The following PAM variants were observed in gnomAD, a reference collection of about 807,000 sequenced individuals.
The protein encoded by PAM is peptidylglycine alpha-amidating monooxygenase, also known as peptidyl-glycine alpha-amidating monooxygenase.
Under a neutral mutation model 122.1 loss-of-function variants are expected in PAM, and 72 were observed. The observed-to-expected ratio is 0.59, with a 90% CI of 0.49 to 0.72. The LOEUF (loss-of-function observed/expected upper bound fraction) is 0.72. Ranked by LOEUF, PAM falls within the 30% of genes least tolerant of loss-of-function variation. PAM has a pLI of 0.00. For synonymous variants in PAM, 389 were observed against 404.4 expected (o/e 0.96, Z 0.46); for missense variants, 1,106 against 1,183.7 (o/e 0.93, Z 0.96).
intron 4 of PAM, among the ~76,000 whole-genome samples, chr5:102,908,726 A>G (rs1800448027): frequency 1.3e-5 from 2 of 151,024 alleles, no homozygotes; most frequent in South Asian, 4.2e-4. Flanking sequence ...ATAATAAAAG[A>G]AAAAAAAATA....
chr5:102,996,992 T>C lies in PAM; in HGVS notation c.1614-6041T>C, dbSNP rs147924420. On this transcript the variant is annotated intron_variant, in intron 16 of 25. Transcript: ENST00000438793. The stretch of plus-strand genomic sequence containing the variant: ...TTAAATGAACAGATTCTCTAATCAG[T>C]AAATTCTAGAATTTGTGTTATCACT... 2.2e-4 allele frequency among the ~76,000 whole-genome samples: 33 copies of C among 152,322 alleles called. No homozygotes were observed. The East Asian group carries it at 6.4e-3, about 29-fold the overall frequency.
chr5:102,843,890 T>A (rs775176967), intron 1 of PAM, among the ~76,000 whole-genome samples: 5 of 152,196 alleles, frequency 3.3e-5, no homozygotes, highest in Non-Finnish European at 5.9e-5. Flanking sequence ...AATGGTTCAC[T>A]CATACATTGC....
intron 3 of PAM, among the ~76,000 whole-genome samples, chr5:102,892,045 G>C (rs1794932477): frequency 6.6e-6 from 1 of 151,800 alleles, no homozygotes; most frequent in South Asian, 2.1e-4. Flanking sequence ...GATTGCTTTA[G>C]AGATGGGCAT....
intron 14 of PAM, among the ~76,000 whole-genome samples, chr5:102,964,416 T>C (rs1344115694): frequency 6.6e-6 from 1 of 151,904 alleles, no homozygotes; most frequent in African/African-American, 2.4e-5. Context: ...GTAAAGCAAG[T>C]GTACCTCAGA....
intron 1 of PAM, among the ~76,000 whole-genome samples, chr5:102,778,361 A>G (rs975899887): frequency 4.6e-5 from 7 of 152,162 alleles, no homozygotes; most frequent in African/African-American, 1.4e-4. Context: ...AGCATTCTAT[A>G]TAGTATTTTA....
chr5:102,866,966 T>A (rs1001107258), intron 2 of PAM, among the ~76,000 whole-genome samples: 5 of 152,222 alleles, frequency 3.3e-5, no homozygotes, highest in African/African-American at 4.8e-5. Flanking sequence ...TTTTGACATA[T>A]TTTTATATGA....
chr5:102,836,594 G>A (rs191570718), intron 1 of PAM, among the ~76,000 whole-genome samples: 2 of 152,194 alleles, frequency 1.3e-5, no homozygotes, highest in Admixed American at 6.5e-5. Context: ...TTGATGCCAT[G>A]GGTGACATCT....
At chr5:102,959,460 G>A (rs1761826704) in intron 12 of PAM, among the ~76,000 whole-genome samples, 1 of 151,988 alleles carries the variant, frequency 6.6e-6, no homozygotes, top group South Asian at 2.1e-4. Flanking sequence ...TATATTGAAG[G>A]TTTCTGATTT....
At chr5:102,895,520 A>G (rs1213426541) in intron 3 of PAM, among the ~76,000 whole-genome samples, 1 of 151,792 alleles carries the variant, frequency 6.6e-6, no homozygotes, top group Non-Finnish European at 1.5e-5. Flanking sequence ...AAGGTAGGCA[A>G]GTATTAATGA....
At chr5:102,782,496 T>C (rs1759251723) in intron 1 of PAM, among the ~76,000 whole-genome samples, 2 of 152,228 alleles carry the variant, frequency 1.3e-5, no homozygotes, top group Admixed American at 1.3e-4. Context: ...GCTCTTGTTT[T>C]AGAAAGATAC....
intron 23 of PAM, among the ~76,000 whole-genome samples, chr5:103,022,606 T>C (rs888210284): frequency 3.3e-5 from 5 of 152,198 alleles, no homozygotes; most frequent in African/African-American, 7.2e-5. Flanking sequence ...TGCACTCTTA[T>C]AAGATTTTAA....
chr5:102,907,502 G>A lies in PAM; in HGVS notation c.268+6089G>A, dbSNP rs1211573767. ...GTATATACCCAGTAATGGGATGGCT[G>A]GGTCAAATGGTATTTCTAGTTCTAG... On this transcript the variant is annotated intron_variant, in intron 4 of 25. Transcript: ENST00000438793. Among the ~76,000 whole-genome samples the A allele has an allele frequency of 2.0e-5, 3 of 151,140 alleles. No individual in the cohort carries two copies. The East Asian group carries it at 5.9e-4, about 30-fold the overall frequency.
At chr5:102,860,887 C>G (rs1003698480) in intron 1 of PAM, among the ~76,000 whole-genome samples, 4 of 152,090 alleles carry the variant, frequency 2.6e-5, no homozygotes, top group Non-Finnish European at 5.9e-5. Flanking sequence ...AGCAGATGGT[C>G]CTCCCCACCT....
At chr5:102,921,271 G>A (rs768514632) in intron 5 of PAM, among the ~76,000 whole-genome samples, 3 of 152,052 alleles carry the variant, frequency 2.0e-5, no homozygotes, top group Non-Finnish European at 4.4e-5. Context: ...CCAGCCTTAA[G>A]GCTCTCTTTA....
At chr5:102,891,193 A>G (rs1794688513) in intron 3 of PAM, among the ~76,000 whole-genome samples, 1 of 151,864 alleles carries the variant, frequency 6.6e-6, no homozygotes, top group Admixed American at 6.6e-5. Context: ...CCCAGTTCCT[A>G]TGTCAGGTAG....
At chr5:103,019,887 G>A (rs373819384) in intron 23 of PAM, 44 bp downstream of exon 23, 24 of 1,200,860 alleles carry the variant, frequency 2.0e-5, no homozygotes, top group Admixed American at 1.7e-4. Flanking sequence ...AAGTCTGGCT[G>A]TGTTGAATTC....
chr5:102,834,226 A>T (rs562998486), intron 1 of PAM, among the ~76,000 whole-genome samples: 199 of 152,286 alleles, frequency 1.3e-3, no homozygotes, highest in African/African-American at 4.3e-3. Flanking sequence ...TTATGAGTGT[A>T]ATCTTTCCCC....
At chr5:102,864,348 G>GTT (rs1431812454) in intron 1 of PAM, among the ~76,000 whole-genome samples, 1 of 151,942 alleles carries the variant, frequency 6.6e-6, no homozygotes, top group Non-Finnish European at 1.5e-5. Flanking sequence ...AAAGCTGAAG[G>GTT]TTTTTGTTTC....
chr5:102,808,848 G>A (rs1766999626), intron 1 of PAM, among the ~76,000 whole-genome samples: 2 of 152,290 alleles, frequency 1.3e-5, no homozygotes, highest in South Asian at 4.1e-4. Context: ...CAATTTGATT[G>A]TAAAAATAAT....
Sources: allele counts gnomAD v4.1 joint callset (sites outside exome capture counted in the v4.1 genomes callset), GRCh38; gene constraint gnomAD v4.1.1; transcripts MANE v1.5; gene names NCBI Gene and HGNC (gene_info 2026-07-23, HGNC 2026-07-21).